Variants in QSOX2 observed in about 807,000 individuals in gnomAD.
The protein encoded by QSOX2 is sulfhydryl oxidase 2.
In QSOX2, 46 loss-of-function variants were observed where a neutral mutation model predicts 61.7. That is an observed-to-expected ratio of 0.75 (90% CI 0.59 to 0.95). The LOEUF is 0.95. QSOX2 is among the 40% of genes least tolerant of loss of function. The pLI is 0.00. For missense variants in QSOX2, 879 were observed against 918.9 expected, an observed-to-expected ratio of 0.96 and a Z score of 0.56; for synonymous variants, 383 against 388.4, an observed-to-expected ratio of 0.99 and a Z score of 0.16.
Position 136,221,588 on chromosome 9 carries a change from C to G in QSOX2, c.821+208G>C, listed in dbSNP as rs1457040266. 6.6e-6 allele frequency among the ~76,000 whole-genome samples: 1 copy of G among 152,212 alleles called. No individual in the cohort carries two copies. The highest frequency in any genetic ancestry group is 1.5e-5 in the Non-Finnish European group (1 of 68,042). On this transcript the variant is annotated intron_variant, in intron 6 of 11. Coordinates refer to ENST00000358701, the MANE Select transcript of QSOX2 (RefSeq NM_181701.4). This position sits in a 1 kb window ranked among gnomAD's most constrained non-coding sequence, Gnocchi z 4.5. ...CAGGCTCCTCCTAGGTGCGGGGACA[C>G]AGCAGTGAGAAAACAGAAATCCACG... is the stretch of plus-strand genomic sequence containing the variant.
intron 1 of QSOX2, among the ~76,000 whole-genome samples, chr9:136,227,954 G>GA (rs113139400): frequency 4.1e-4 from 59 of 145,596 alleles, no homozygotes; most frequent in Non-Finnish European, 4.7e-4. Context: ...TCCACCTTAA[G>GA]AAAAAAAAAA....
At chr9:136,219,462 T>C (rs987563134) in intron 6 of QSOX2, among the ~76,000 whole-genome samples, 2 of 152,266 alleles carry the variant, frequency 1.3e-5, no homozygotes, top group African/African-American at 4.8e-5. Context: ...GGGTTGAGCA[T>C]CTGCCAAGAT....
intron 2 of QSOX2, among the ~76,000 whole-genome samples, chr9:136,225,771 G>A (rs1223242139): frequency 2.0e-5 from 3 of 152,268 alleles, no homozygotes; most frequent in African/African-American, 2.4e-5. Flanking sequence ...TCAGAGTGAC[G>A]TCACTGGACA....
chr9:136,232,166 G>A (rs1039900150), intron 1 of QSOX2, among the ~76,000 whole-genome samples: 45 of 152,274 alleles, frequency 3.0e-4, no homozygotes, highest in African/African-American at 9.9e-4. Flanking sequence ...TGACAGAAAT[G>A]TCGTTATCTG....
chr9:136,218,069 C>T (rs1053571006), intron 8 of QSOX2, among the ~76,000 whole-genome samples: 1 of 152,240 alleles, frequency 6.6e-6, no homozygotes, highest in Non-Finnish European at 1.5e-5. Context: ...AGCAACCGAG[C>T]TCATGGAGTT....
Position 136,215,150 on chromosome 9 carries a change from T to C in QSOX2, c.1360+4A>G. On this transcript the variant is annotated splice_donor_region_variant and intron_variant, in intron 10 of 11. Transcript: ENST00000358701. ...CCCCTCTGGCCTGTATGGGCACAGC[T>C]TACCTGTGCCAACCAGTGCATCTGG... 6.2e-7 allele frequency: 1 copy of C among 1,613,244 alleles called. No individual in the cohort carries two copies. The highest frequency in any genetic ancestry group is 8.5e-7 in the Non-Finnish European group (1 of 1,179,768).
At position 136,209,663 on chromosome 9, in the gene QSOX2, C is replaced by G. The variant is rs945480283; in HGVS notation, c.1550-388G>C. 28 of 985,056 alleles carry G rather than the reference C, an allele frequency of 2.8e-5. No homozygotes were observed. The highest frequency in any genetic ancestry group is 3.3e-5 in the Non-Finnish European group (27 of 829,856). 61.0% of individuals were successfully genotyped at this position (985,056 alleles called of 1,614,324 possible). A position where few individuals can be genotyped will look rare whatever the true frequency, so the allele number is the denominator to read the frequency against. On this transcript the variant is annotated intron_variant, in intron 11 of 11. Transcript: ENST00000358701. This position sits in a 1 kb window ranked among gnomAD's most constrained non-coding sequence, Gnocchi z 5.6. ...CAGTGCTGCCTGTGTGCCCCTCCCCCCACTGCTGCCCCTCTGCCCTTTCCT... is the reference window on the plus strand; with the variant it reads ...CAGTGCTGCCTGTGTGCCCCTCCCCGCACTGCTGCCCCTCTGCCCTTTCCT...
At chr9:136,231,286 C>G (rs1417620379) in intron 1 of QSOX2, among the ~76,000 whole-genome samples, 1 of 152,218 alleles carries the variant, frequency 6.6e-6, no homozygotes, top group African/African-American at 2.4e-5. Context: ...AGAATACGCC[C>G]CCATCCTACC....
In QSOX2 at chr9:136,221,224, C is replaced by G. The variant is rs1286253811; in HGVS notation, c.821+572G>C. 6.6e-6 allele frequency among the ~76,000 whole-genome samples: 1 copy of G among 150,556 alleles called. No individual in the cohort carries two copies. On this transcript the variant is annotated intron_variant, in intron 6 of 11. Coordinates refer to ENST00000358701, the MANE Select transcript of QSOX2 (RefSeq NM_181701.4). This position sits in a 1 kb window ranked among gnomAD's most constrained non-coding sequence, Gnocchi z 4.5. ...GCAAAGGGCTTATCCTCATGAGGGG[C>G]ACACAGGCACCCCACGCAGGGGCGA...
chr9:136,233,713 A>C (rs1467881432), intron 1 of QSOX2, among the ~76,000 whole-genome samples: 1 of 152,214 alleles, frequency 6.6e-6, no homozygotes, highest in Non-Finnish European at 1.5e-5. Flanking sequence ...CGAATCGTGC[A>C]GCAACTCAAG....
At chr9:136,210,724 AT>A in intron 11 of QSOX2, 1 of 985,194 alleles carries the variant, frequency 1.0e-6, no homozygotes, top group African/African-American at 1.7e-5. Context: ...ATTCATCTCT[AT>A]TAAGATTTCT....
At chr9:136,238,630 G>A (rs901439751) in intron 1 of QSOX2, among the ~76,000 whole-genome samples, 8 of 152,226 alleles carry the variant, frequency 5.3e-5, no homozygotes, top group Non-Finnish European at 1.0e-4. Context: ...TGCCACGCGC[G>A]GCCTGGCCTC....
chr9:136,234,149 G>A (rs1282315221), intron 1 of QSOX2, among the ~76,000 whole-genome samples: 1 of 152,204 alleles, frequency 6.6e-6, no homozygotes, highest in Admixed American at 6.5e-5. Flanking sequence ...GGCTCCACCT[G>A]GGGCACTTCC....
chr9:136,208,785 GA>G lies in QSOX2; in HGVS notation c.2039del (p.Phe680SerfsTer5). On this transcript the variant is annotated frameshift_variant, in exon 12 of 12. Coordinates refer to ENST00000358701, the MANE Select transcript of QSOX2 (RefSeq NM_181701.4). LOFTEE classifies it high-confidence loss of function. Reference sequence around the variant, plus strand: ...ACCGCCTGGACCTCACCCGGAAGAAGAAGTACATCACCATGAGGAACAGGGA... The same window carrying G: ...ACCGCCTGGACCTCACCCGGAAGAAGAGTACATCACCATGAGGAACAGGGA... ...ASSLFLMVMY[F>X]FFRVRSRRWK... The G allele has an allele frequency of 6.2e-7, 1 of 1,613,922 alleles. No homozygotes were observed. Among genetic ancestry groups the G allele is most frequent in the Non-Finnish European group, 8.5e-7 (1 of 1,180,020 alleles).
Position 136,209,535 on chromosome 9 carries a change from C to T in QSOX2, c.1550-260G>A, listed in dbSNP as rs1055802307. 4.1e-6 allele frequency: 4 copies of T among 985,278 alleles called. No homozygotes were observed. The highest frequency in any genetic ancestry group is 1.1e-4 in the East Asian group (1 of 8,770). 61.0% of individuals were successfully genotyped at this position (985,278 alleles called of 1,614,324 possible). A position where few individuals can be genotyped will look rare whatever the true frequency, so the allele number is the denominator to read the frequency against. Reference sequence around the variant, plus strand: ...AGCCTGCAAGTGAGGAGACGCTACACGCTCGGCCTCCGCCACTTCCCAGAC... The same window carrying T: ...AGCCTGCAAGTGAGGAGACGCTACATGCTCGGCCTCCGCCACTTCCCAGAC... On this transcript the variant is annotated intron_variant, in intron 11 of 11. Transcript: ENST00000358701. The surrounding 1 kb of genome is among the most constrained non-coding windows in gnomAD (Gnocchi z 5.6).
At chr9:136,214,063 C>T (rs989926813) in intron 10 of QSOX2, among the ~76,000 whole-genome samples, 9 of 152,174 alleles carry the variant, frequency 5.9e-5, no homozygotes, top group East Asian at 1.9e-4. Context: ...CTGGAAAGAG[C>T]GTTGAACTGT....
At chr9:136,224,149 G>T in intron 3 of QSOX2, 37 bp from the exon 4 acceptor site, 1 of 1,537,374 alleles carries the variant, frequency 6.5e-7, no homozygotes, top group Non-Finnish European at 9.0e-7. Flanking sequence ...CTGTGTGTGC[G>T]GCTGTCCTCG....
chr9:136,233,312 T>G (rs1023082427), intron 1 of QSOX2, among the ~76,000 whole-genome samples: 1 of 152,220 alleles, frequency 6.6e-6, no homozygotes, highest in African/African-American at 2.4e-5. Context: ...GATTTCATCT[T>G]GCTGAATGCC....
At chr9:136,210,447 C>G in intron 11 of QSOX2, 1 of 985,402 alleles carries the variant, frequency 1.0e-6, no homozygotes, top group Middle Eastern at 5.2e-4. Context: ...GGGTCCTGGT[C>G]CCACTGCCTC....
Sources: gnomAD v4.1 joint callset for allele counts (sites outside exome capture counted in the v4.1 genomes callset) on GRCh38, gnomAD v4.1.1 for gene constraint, Gnocchi (gnomAD v3.1) non-coding constraint, MANE v1.5 for transcripts, NCBI Gene and HGNC (gene_info 2026-07-23, HGNC 2026-07-21) for gene names.